The following LARP4B variants were observed in gnomAD, a reference collection of about 807,000 sequenced individuals.
LARP4B encodes the protein la-related protein 4B.
In LARP4B, 12 loss-of-function variants were observed where a neutral mutation model predicts 89.8. The ratio of observed to expected loss-of-function variants is 0.13; its 90% confidence interval spans 0.09 to 0.22. The LOEUF (loss-of-function observed/expected upper bound fraction) is 0.22, where lower values mean the gene tolerates loss of function less well. Ranked by LOEUF, LARP4B falls within the 10% of genes least tolerant of loss-of-function variation. The pLI, the probability that LARP4B is intolerant of heterozygous loss-of-function variation, is 1.00. For synonymous variants in LARP4B, 367 were observed against 363.3 expected (o/e 1.01, Z -0.12); for missense variants, 757 against 947.7 (o/e 0.80, Z 2.64).
At chr10:843,176 G>A in intron 6 of LARP4B, 108 bp from the exon 7 acceptor site, 2 of 1,009,712 alleles carry the variant, frequency 2.0e-6, no homozygotes, top group Non-Finnish European at 2.9e-6. Context: ...GTATTGCTTT[G>A]GAGTTAAATC....
In LARP4B at chr10:810,211, C is replaced by G. The variant is rs1357402786; in HGVS notation, c.*2715G>C. On this transcript the variant is annotated 3_prime_UTR_variant, in exon 18 of 18. Coordinates refer to ENST00000316157, the MANE Select transcript of LARP4B (RefSeq NM_015155.3). ...AAAAGTATGAAAGCCACTCTCATCG[C>G]TGTATGTGACACAGCACAGTTGGCA... 6.6e-6 allele frequency: 1 copy of G among 152,004 alleles called. No individual in the cohort carries two copies. The highest frequency in any genetic ancestry group is 1.5e-5 in the Non-Finnish European group (1 of 68,018). The allele number at this position is 152,004 out of a possible 1,614,324, so 9.4% of individuals were successfully genotyped here.
the LARP4B span, among the ~76,000 whole-genome samples, chr10:976,081 T>C: frequency 1.5e-5 from 2 of 131,710 alleles, no homozygotes; most frequent in African/African-American, 5.4e-5. Flanking sequence ...GCGTAACGTG[T>C]GGACCCGGCC....
intron 13 of LARP4B, among the ~76,000 whole-genome samples, chr10:824,091 T>G (rs375112287): frequency 2.0e-5 from 3 of 152,200 alleles, no homozygotes; most frequent in African/African-American, 7.2e-5. Flanking sequence ...ACACATTGTA[T>G]ATAGAACACC....
chr10:901,433 T>A (rs1293049966), intron 1 of LARP4B, among the ~76,000 whole-genome samples: 1 of 152,204 alleles, frequency 6.6e-6, no homozygotes, highest in Non-Finnish European at 1.5e-5. Context: ...TGAGAGCACC[T>A]TAGGGCAGAT....
chr10:930,210 GAA>G (rs1056915297), intron 1 of LARP4B, among the ~76,000 whole-genome samples: 1 of 151,864 alleles, frequency 6.6e-6, no homozygotes, highest in African/African-American at 2.4e-5. Flanking sequence ...TCAAACAACT[GAA>G]ACTAAGAGAA....
intron 1 of LARP4B, among the ~76,000 whole-genome samples, chr10:910,336 A>G (rs1222279892): frequency 1.3e-5 from 2 of 152,126 alleles, no homozygotes; most frequent in African/African-American, 4.8e-5. Context: ...CTCTACTTAT[A>G]TTAATTTTGC....
rs1831668924 is a variant in LARP4B, at chr10:809,630, A to T, written c.*3296T>A. 1 of 152,680 alleles carries T rather than the reference A, an allele frequency of 6.5e-6. No homozygotes were observed. The highest frequency in any genetic ancestry group is 6.5e-5 in the Admixed American group (1 of 15,290). The allele number at this position is 152,680 out of a possible 1,614,324, so 9.5% of individuals were successfully genotyped here. A position where few individuals can be genotyped will look rare whatever the true frequency, so the allele number is the denominator to read the frequency against. On this transcript the variant is annotated 3_prime_UTR_variant, in exon 18 of 18. Coordinates refer to ENST00000316157, the MANE Select transcript of LARP4B (RefSeq NM_015155.3). The stretch of plus-strand genomic sequence containing the variant: ...ACTGAATGACACAAAAGGAAACTTA[A>T]ATTACCAATAGTTTACATGTAAGCT...
Position 886,116 on chromosome 10 carries a change from A to AAAAT in LARP4B, c.-39-360_-39-357dup, listed in dbSNP as rs904013219. Among the ~76,000 whole-genome samples the AAAAT allele has an allele frequency of 9.3e-4, 142 of 152,158 alleles. 2 individuals are homozygous for AAAAT. Among genetic ancestry groups the AAAAT allele is most frequent in the Non-Finnish European group, 4.9e-4 (33 of 68,018 alleles). On this transcript the variant is annotated intron_variant, in intron 1 of 17. Transcript: ENST00000316157. ...TAAGGAACTCACACCACTCGATAGC[A>AAAAT]AAATAAATAAATAAATAAATAACCT... is the stretch of plus-strand genomic sequence containing the variant.
Position 825,127 on chromosome 10 carries a change from C to T in LARP4B, c.1422G>A (p.Glu474=), listed in dbSNP as rs577633540. 16 of 1,614,120 alleles carry T rather than the reference C, an allele frequency of 9.9e-6. No individual in the cohort carries two copies. In the South Asian group the frequency reaches 1.3e-4, roughly 13 times the overall value. The part of the protein sequence containing the change: ...IQNPSAYAKR[E]AGPGRVEPGS... The stretch of plus-strand genomic sequence containing the variant: ...CTGGCTCCACACGCCCAGGCCCAGC[C>T]TCTCTCTTGGCATATGCTGAAGGGT... The change falls in exon 13 of 18, where the codon GAG becomes GAA. Residue 474 remains glutamate, a synonymous_variant. Transcript: ENST00000316157.
the LARP4B span, among the ~76,000 whole-genome samples, chr10:960,904 A>T: frequency 2.0e-5 from 3 of 152,136 alleles, no homozygotes; most frequent in African/African-American, 7.2e-5. Flanking sequence ...ACAATGTGAA[A>T]ATCAACACCT....
the LARP4B span, among the ~76,000 whole-genome samples, chr10:973,211 G>A: frequency 3.3e-5 from 5 of 152,138 alleles, no homozygotes; most frequent in African/African-American, 1.2e-4. Context: ...GTGCAGCAGG[G>A]ACAACTCACC....
the LARP4B span, among the ~76,000 whole-genome samples, chr10:963,284 CAAGT>C: frequency 9.9e-4 from 151 of 152,290 alleles, 2 homozygotes; most frequent in South Asian, 9.1e-3. Context: ...CCTGACTTCA[CAAGT>C]GAGTGACCGT....
At chr10:836,577 A>C (rs1833231290) in intron 7 of LARP4B, 71 bp from the exon 8 acceptor site, 2 of 959,550 alleles carry the variant, frequency 2.1e-6, no homozygotes, top group African/African-American at 1.6e-5. Flanking sequence ...AATGTGTTAC[A>C]TTATATTACT....
chr10:903,287 C>T (rs1056314454), intron 1 of LARP4B: 2 of 152,184 alleles, frequency 1.3e-5, no homozygotes, highest in East Asian at 3.8e-4. Flanking sequence ...CAAAGTATAC[C>T]CAGAGTCCAG....
At chr10:963,609 T>A in the LARP4B span, among the ~76,000 whole-genome samples, 1 of 152,164 alleles carries the variant, frequency 6.6e-6, no homozygotes, top group Non-Finnish European at 1.5e-5. Context: ...TTCAACCTAA[T>A]AAAGGGGAAA....
chr10:910,282 C>G (rs1433960127), intron 1 of LARP4B, among the ~76,000 whole-genome samples: 1 of 152,200 alleles, frequency 6.6e-6, no homozygotes, highest in African/African-American at 2.4e-5. Context: ...CAACCTGAAT[C>G]CATACACCTG....
At chr10:925,886 T>C (rs1365496522) in intron 1 of LARP4B, among the ~76,000 whole-genome samples, 4 of 152,368 alleles carry the variant, frequency 2.6e-5, no homozygotes, top group Non-Finnish European at 4.4e-5. Context: ...AAAGGTCATG[T>C]GGCTAAATTA....
rs535962661 is a variant in LARP4B at position 880,628 on chromosome 10, G to C, written c.141+3819C>G. Among the ~76,000 whole-genome samples the C allele has an allele frequency of 1.4e-4, 22 of 152,192 alleles. No homozygotes were observed. The South Asian group carries it at 3.1e-3, about 22-fold the overall frequency. On this transcript the variant is annotated intron_variant, in intron 3 of 17. Coordinates refer to ENST00000316157, the MANE Select transcript of LARP4B (RefSeq NM_015155.3). The stretch of plus-strand genomic sequence containing the variant: ...TTGAACCCGGGAGGCAGAGGCTGCA[G>C]TGAGCAGAGATCGCACTACTGCACT...
intron 12 of LARP4B, 77 bp from the exon 13 acceptor site, chr10:825,393 T>C (rs1434752395): frequency 2.1e-6 from 3 of 1,419,046 alleles, no homozygotes; most frequent in Non-Finnish European, 2.9e-6. Flanking sequence ...TGACATGGAA[T>C]AGCTAAGCTG....
Sources: gnomAD v4.1 joint callset for allele counts (sites outside exome capture counted in the v4.1 genomes callset) on GRCh38, gnomAD v4.1.1 for gene constraint, MANE v1.5 for transcripts, NCBI Gene and HGNC (gene_info 2026-07-23, HGNC 2026-07-21) for gene names.